PYHIN1: variants seen among roughly 807,000 people sequenced by gnomAD.
The protein encoded by PYHIN1 is pyrin and HIN domain-containing protein 1.
In PYHIN1, 32 loss-of-function variants were observed where a neutral mutation model predicts 43.7. The observed-to-expected ratio is 0.73, with a 90% confidence interval of 0.55 to 0.98. PYHIN1 has a LOEUF of 0.98. Ranked by LOEUF, PYHIN1 falls within the 50% of genes least tolerant of loss-of-function variation. The pLI, the probability that PYHIN1 is intolerant of heterozygous loss-of-function variation, is 0.00. For missense variants in PYHIN1, 588 were observed against 589.5 expected, an observed-to-expected ratio of 1.00 and a Z score of 0.03; for synonymous variants, 205 against 203.1, an observed-to-expected ratio of 1.01 and a Z score of -0.08.
rs372295726 is a variant in PYHIN1 at position 158,950,140 on chromosome 1, G to A, written c.1359+5098G>A. Among the ~76,000 whole-genome samples the A allele has an allele frequency of 1.6e-4, 25 of 152,290 alleles. No homozygotes were observed. The East Asian group carries it at 4.1e-3, about 25-fold the overall frequency. On this transcript the variant is annotated intron_variant, in intron 7 of 8. Coordinates refer to ENST00000368140, the MANE Select transcript of PYHIN1 (RefSeq NM_152501.5). ...GGAGTGTCTGCCCAAGTGACAGGGC[G>A]AAAGAGAGGCAGATCTAAGATATGA...
chr1:158,942,899 G>C (rs1413601700), intron 5 of PYHIN1, among the ~76,000 whole-genome samples: 1 of 152,108 alleles, frequency 6.6e-6, no homozygotes, highest in Non-Finnish European at 1.5e-5. Context: ...ACAATGTTCT[G>C]ACCAAATGAA....
Position 158,953,180 on chromosome 1 carries a change from C to T in PYHIN1, c.1359+8138C>T, listed in dbSNP as rs1283863400. Among the ~76,000 whole-genome samples, 501 of 113,922 alleles carry T rather than the reference C, an allele frequency of 4.4e-3. 2 individuals are homozygous for T. Among genetic ancestry groups the T allele is most frequent in the African/African-American group, 0.012 (405 of 32,830 alleles). 74.7% of individuals were successfully genotyped at this position (113,922 alleles called of 152,430 possible). On this transcript the variant is annotated intron_variant, in intron 7 of 8. Coordinates refer to ENST00000368140, the MANE Select transcript of PYHIN1 (RefSeq NM_152501.5). ...GGCAGCAGTGAGGCTGGGGGAGGGGCGCCCGCCATTGCCCAGGCTTATTAG... is the reference window on the plus strand; with the variant it reads ...GGCAGCAGTGAGGCTGGGGGAGGGGTGCCCGCCATTGCCCAGGCTTATTAG...
Position 158,939,261 on chromosome 1 carries a change from G to T in PYHIN1, c.579+14G>T, listed in dbSNP as rs1648758415. The T allele has an allele frequency of 1.3e-6, 2 of 1,587,338 alleles. No homozygotes were observed. The highest frequency in any genetic ancestry group is 1.4e-5 in the African/African-American group (1 of 73,726). ...TCCTCAACTGAGGTACACTCTTCCT[G>T]GTCCCCTTTTGATTCATTTTCTTCA... On this transcript the variant is annotated intron_variant, in intron 4 of 8. Transcript: ENST00000368140.
chr1:158,971,983 T>C (rs545450905), intron 7 of PYHIN1, among the ~76,000 whole-genome samples: 3 of 151,872 alleles, frequency 2.0e-5, no homozygotes, highest in South Asian at 4.2e-4. Context: ...AAAAAATAAA[T>C]TAAAAAATCA....
chr1:158,939,403 G>T (rs1156834359), intron 4 of PYHIN1, 156 bp downstream of exon 4: 2 of 1,567,892 alleles, frequency 1.3e-6, no homozygotes, highest in Non-Finnish European at 8.7e-7. Context: ...GCTTCCACAG[G>T]CATATTTGAT....
the PYHIN1 span, among the ~76,000 whole-genome samples, chr1:158,989,412 T>C: frequency 6.6e-6 from 1 of 152,200 alleles, no homozygotes; most frequent in Non-Finnish European, 1.5e-5. Flanking sequence ...TCCTCACTTC[T>C]CATACCTAAA....
At chr1:158,981,181 A>G (rs1651472201), downstream of PYHIN1, among the ~76,000 whole-genome samples, 1 of 152,148 alleles carries the variant, frequency 6.6e-6, no homozygotes, top group Non-Finnish European at 1.5e-5. Context: ...GATTGATTCC[A>G]TGTCATTACT....
rs1468357558 is a variant in PYHIN1, at chr1:158,944,917, A to G, written c.1234A>G (p.Met412Val). 1.9e-6 allele frequency: 3 copies of G among 1,613,040 alleles called. No homozygotes were observed. Among genetic ancestry groups the G allele is most frequent in the East Asian group, 4.5e-5 (2 of 44,854 alleles). ...CCAGAGAAGCCATGACTCCAGGAGC[A>G]TGGCACTACCCCAGGAACAGAGTCA... ...TNQRSHDSRS[M>V]ALPQEQSQHP... The change falls in exon 7 of 9, where the codon ATG (methionine) becomes GTG (valine). Residue 412 changes from methionine (M) to valine (V), a missense_variant. Transcript: ENST00000368140.
At chr1:158,936,858 T>C (rs1478546033) in intron 1 of PYHIN1, 33 bp from the exon 2 acceptor site, 27 of 1,407,076 alleles carry the variant, frequency 1.9e-5, no homozygotes, top group Non-Finnish European at 2.5e-5. Context: ...TCTGTATACA[T>C]GTGTAACACT....
intron 7 of PYHIN1, among the ~76,000 whole-genome samples, chr1:158,965,286 A>G (rs1383474455): frequency 1.3e-5 from 2 of 152,186 alleles, no homozygotes; most frequent in Non-Finnish European, 2.9e-5. Flanking sequence ...ACATACAATA[A>G]TAGTGGGAGA....
At chr1:158,964,920 C>T (rs776059566) in intron 7 of PYHIN1, among the ~76,000 whole-genome samples, 1 of 152,124 alleles carries the variant, frequency 6.6e-6, no homozygotes, top group Non-Finnish European at 1.5e-5. Flanking sequence ...GCTACACACT[C>T]CACTTAAAAG....
At chr1:158,944,079 C>A in intron 6 of PYHIN1, 101 bp downstream of exon 6, 2 of 972,876 alleles carry the variant, frequency 2.1e-6, no homozygotes, top group Non-Finnish European at 2.9e-6. Context: ...TAAAATTCTG[C>A]AGAGTTCATG....
At chr1:158,937,920 G>C (rs1648658833) in intron 2 of PYHIN1, among the ~76,000 whole-genome samples, 1 of 151,490 alleles carries the variant, frequency 6.6e-6, no homozygotes, top group African/African-American at 2.4e-5. Flanking sequence ...ACTCCCGCCT[G>C]GGCGACAGAG....
At chr1:158,959,173 C>A (rs372711492) in intron 7 of PYHIN1, among the ~76,000 whole-genome samples, 6 of 152,110 alleles carry the variant, frequency 3.9e-5, no homozygotes, top group East Asian at 3.9e-4. Flanking sequence ...TCCTGCAGAC[C>A]CTGACCCAAC....
the PYHIN1 span, among the ~76,000 whole-genome samples, chr1:158,983,194 G>T: frequency 1.3e-5 from 2 of 152,016 alleles, no homozygotes; most frequent in African/African-American, 4.8e-5. Context: ...ACCAGGAGTA[G>T]TGAGAGTAGG....
chr1:158,959,818 C>A (rs185958841), intron 7 of PYHIN1, among the ~76,000 whole-genome samples: 2 of 152,214 alleles, frequency 1.3e-5, no homozygotes, highest in East Asian at 3.9e-4. Context: ...AGAGTCTACC[C>A]CAGAGCAACA....
At chr1:158,948,464 C>T (rs1235221025) in intron 7 of PYHIN1, among the ~76,000 whole-genome samples, 1 of 152,124 alleles carries the variant, frequency 6.6e-6, no homozygotes, top group East Asian at 1.9e-4. Flanking sequence ...TATGTTTATG[C>T]CCCCAGTTGC....
chr1:158,984,658 T>C, the PYHIN1 span, among the ~76,000 whole-genome samples: 21 of 152,190 alleles, frequency 1.4e-4, no homozygotes, highest in African/African-American at 3.9e-4. Flanking sequence ...TATATGTCTG[T>C]TAGGTCAATT....
intron 7 of PYHIN1, among the ~76,000 whole-genome samples, chr1:158,955,505 G>A (rs1423993624): frequency 6.6e-6 from 1 of 152,002 alleles, no homozygotes; most frequent in Admixed American, 6.5e-5. Context: ...AATGACTACT[G>A]GATACGTAGT....
Sources: gnomAD v4.1 joint callset for allele counts (sites outside exome capture counted in the v4.1 genomes callset) on GRCh38, gnomAD v4.1.1 for gene constraint, MANE v1.5 for transcripts, NCBI Gene and HGNC (gene_info 2026-07-23, HGNC 2026-07-21) for gene names.